The following HNF4G variants were observed in gnomAD, a reference collection of about 807,000 sequenced individuals.
HNF4G encodes hepatocyte nuclear factor 4 gamma.
Under a neutral mutation model 50.9 loss-of-function variants are expected in HNF4G, and 21 were observed. That is an observed-to-expected ratio of 0.41 (90% CI 0.29 to 0.59). The LOEUF (loss-of-function observed/expected upper bound fraction) is 0.59. HNF4G is among the 20% of genes least tolerant of loss of function. The pLI, the probability that HNF4G is intolerant of heterozygous loss-of-function variation, is 0.26. For missense variants in HNF4G, 527 were observed against 559.4 expected (o/e 0.94, Z 0.58); for synonymous variants, 198 against 185.6 (o/e 1.07, Z -0.54).
chr8:75,479,810 C>T (rs1288276008), intron 1 of HNF4G, among the ~76,000 whole-genome samples: 3 of 151,800 alleles, frequency 2.0e-5, no homozygotes, highest in East Asian at 3.9e-4. Flanking sequence ...TGATAAATAA[C>T]ATATTTCCAG....
At chr8:75,490,410 A>G (rs560353670) in intron 2 of HNF4G, among the ~76,000 whole-genome samples, 25 of 151,750 alleles carry the variant, frequency 1.6e-4, no homozygotes, top group Non-Finnish European at 2.2e-4. Flanking sequence ...TTCCTTGCCC[A>G]TATTATGACT....
At chr8:75,452,439 G>A (rs1483403587) in intron 1 of HNF4G, among the ~76,000 whole-genome samples, 1 of 152,156 alleles carries the variant, frequency 6.6e-6, no homozygotes, top group Non-Finnish European at 1.5e-5. Flanking sequence ...GACTAATGTG[G>A]CTGGGCACGT....
At chr8:75,469,815 G>C (rs1812071655) in intron 1 of HNF4G, among the ~76,000 whole-genome samples, 1 of 152,024 alleles carries the variant, frequency 6.6e-6, no homozygotes. Flanking sequence ...AGTTTCGATG[G>C]AGTATTCCTT....
At chr8:75,519,550 C>A (rs1363666450) in intron 2 of HNF4G, among the ~76,000 whole-genome samples, 1 of 152,252 alleles carries the variant, frequency 6.6e-6, no homozygotes, top group Non-Finnish European at 1.5e-5. Context: ...GCTGAGGAGG[C>A]CTCACATTCA....
intron 1 of HNF4G, among the ~76,000 whole-genome samples, chr8:75,428,986 G>A (rs1469714806): frequency 3.9e-5 from 6 of 152,140 alleles, no homozygotes; most frequent in Non-Finnish European, 7.4e-5. Context: ...ATAGCTTAAC[G>A]GAAGTTACTG....
chr8:75,501,511 T>C (rs535209972), intron 2 of HNF4G, among the ~76,000 whole-genome samples: 4 of 152,284 alleles, frequency 2.6e-5, no homozygotes, highest in South Asian at 4.1e-4. Flanking sequence ...AATCCAAATG[T>C]ACTCCAAAAC....
At chr8:75,504,529 G>A (rs1169501853) in intron 2 of HNF4G, among the ~76,000 whole-genome samples, 1 of 151,890 alleles carries the variant, frequency 6.6e-6, no homozygotes, top group Non-Finnish European at 1.5e-5. Context: ...CTTTTTGGGG[G>A]AGGGCAATTT....
chr8:75,439,774 T>G (rs891248973), intron 1 of HNF4G, among the ~76,000 whole-genome samples: 1 of 152,060 alleles, frequency 6.6e-6, no homozygotes, highest in African/African-American at 2.4e-5. Context: ...ATTAGTTTTT[T>G]TAAATACAAT....
intron 1 of HNF4G, among the ~76,000 whole-genome samples, chr8:75,416,036 A>G (rs1480867335): frequency 6.6e-6 from 1 of 152,080 alleles, no homozygotes; most frequent in Admixed American, 6.6e-5. Context: ...GATTCTGTGA[A>G]TTTTTTTTAG....
chr8:75,540,013 T>C lies in HNF4G; in HGVS notation c.51T>C (p.Ser17=). 1 of 1,608,064 alleles carries C rather than the reference T, an allele frequency of 6.2e-7. No homozygotes were observed. The highest frequency in any genetic ancestry group is 2.2e-5 in the East Asian group (1 of 44,834). ...PILDMDMANY[S]EVLDPTYTTL... The stretch of plus-strand genomic sequence containing the variant: ...TGGACATGGACATGGCAAATTACAG[T>C]GAAGTTTTGGACCCAACTTACACAA... The change falls in exon 1 of 10, where the codon AGT becomes AGC. Residue 17 remains serine, a synonymous_variant. Coordinates refer to ENST00000396423, the MANE Select transcript of HNF4G (RefSeq NM_004133.5).
intron 1 of HNF4G, among the ~76,000 whole-genome samples, chr8:75,473,292 G>T (rs867514757): frequency 6.7e-6 from 1 of 149,432 alleles, no homozygotes; most frequent in African/African-American, 2.5e-5. Flanking sequence ...GCAAGACTCC[G>T]TCTCAAAAAA....
chr8:75,493,489 C>T (rs140399023), intron 2 of HNF4G, among the ~76,000 whole-genome samples: 1 of 152,158 alleles, frequency 6.6e-6, no homozygotes, highest in East Asian at 1.9e-4. Flanking sequence ...CATTTGACTG[C>T]ATTCTTATCA....
At chr8:75,437,135 G>A (rs1811158723) in intron 1 of HNF4G, among the ~76,000 whole-genome samples, 1 of 152,166 alleles carries the variant, frequency 6.6e-6, no homozygotes, top group South Asian at 2.1e-4. Flanking sequence ...GAAAATATTT[G>A]CATTGCCCAT....
intron 1 of HNF4G, among the ~76,000 whole-genome samples, chr8:75,411,963 G>A (rs888260743): frequency 4.6e-5 from 7 of 152,210 alleles, no homozygotes; most frequent in Non-Finnish European, 8.8e-5. Flanking sequence ...TGTGTTCTGT[G>A]TTGCTGTTCT....
intron 1 of HNF4G, among the ~76,000 whole-genome samples, chr8:75,426,968 T>C (rs576809585): frequency 6.6e-6 from 1 of 152,330 alleles, no homozygotes; most frequent in African/African-American, 2.4e-5. Flanking sequence ...TAATCAGATT[T>C]AAACATTTTA....
chr8:75,415,366 G>T (rs1810607967), intron 1 of HNF4G, among the ~76,000 whole-genome samples: 1 of 151,678 alleles, frequency 6.6e-6, no homozygotes, highest in Non-Finnish European at 1.5e-5. Flanking sequence ...GAGAAAAAGG[G>T]TAAAGATATT....
At chr8:75,511,533 C>T (rs1305445256) in intron 2 of HNF4G, among the ~76,000 whole-genome samples, 3 of 152,226 alleles carry the variant, frequency 2.0e-5, no homozygotes, top group Non-Finnish European at 4.4e-5. Context: ...TTAACTTAAG[C>T]AGTGTTGACA....
chr8:75,455,185 C>T (rs1473327028), intron 1 of HNF4G, among the ~76,000 whole-genome samples: 2 of 152,054 alleles, frequency 1.3e-5, no homozygotes, highest in African/African-American at 2.4e-5. Context: ...TTTTTGGAGA[C>T]CGACTTCCTA....
intron 1 of HNF4G, among the ~76,000 whole-genome samples, chr8:75,451,404 A>G (rs1811581557): frequency 6.6e-6 from 1 of 152,128 alleles, no homozygotes; most frequent in South Asian, 2.1e-4. Context: ...TCCAAAAAAA[A>G]AAATTATTGC....
Sources: allele counts gnomAD v4.1 joint callset (sites outside exome capture counted in the v4.1 genomes callset), GRCh38; gene constraint gnomAD v4.1.1; transcripts MANE v1.5; gene names NCBI Gene and HGNC (gene_info 2026-07-23, HGNC 2026-07-21).